GUCY1A2: variants seen among roughly 807,000 people sequenced by gnomAD.
GUCY1A2 encodes the protein guanylate cyclase soluble subunit alpha-2.
A neutral mutation model predicts 63.5 loss-of-function variants in GUCY1A2; 27 were observed. The ratio of observed to expected loss-of-function variants is 0.43; its 90% CI spans 0.31 to 0.59. GUCY1A2 has a LOEUF of 0.59. Ranked by LOEUF, GUCY1A2 falls within the 20% of genes least tolerant of loss-of-function variation. GUCY1A2 has a pLI of 0.11. For missense variants in GUCY1A2, 768 were observed against 913.3 expected (o/e 0.84, Z 2.05); for synonymous variants, 364 against 343.5 (o/e 1.06, Z -0.66).
chr11:106,901,585 C>T (rs1860133486), intron 4 of GUCY1A2, among the ~76,000 whole-genome samples: 1 of 152,030 alleles, frequency 6.6e-6, no homozygotes, highest in African/African-American at 2.4e-5. Context: ...TGTTGGTGTG[C>T]TGCACCCATT....
At chr11:106,870,373 C>A (rs935387988) in intron 4 of GUCY1A2, among the ~76,000 whole-genome samples, 2 of 151,836 alleles carry the variant, frequency 1.3e-5, no homozygotes, top group Admixed American at 1.3e-4. Context: ...TGTGGGAGTT[C>A]TTTGGTATTT....
chr11:107,015,829 T>G (rs947340065), intron 1 of GUCY1A2, among the ~76,000 whole-genome samples: 2 of 152,146 alleles, frequency 1.3e-5, no homozygotes, highest in Admixed American at 6.5e-5. Context: ...CTGGGAAATA[T>G]TGGCAGGGAA....
intron 6 of GUCY1A2, among the ~76,000 whole-genome samples, chr11:106,772,874 T>C (rs1450484502): frequency 6.6e-6 from 1 of 152,184 alleles, no homozygotes; most frequent in Non-Finnish European, 1.5e-5. Context: ...GTGCAGCAAA[T>C]GTGAGACAGT....
intron 6 of GUCY1A2, among the ~76,000 whole-genome samples, chr11:106,755,807 G>C (rs984280971): frequency 2.0e-5 from 3 of 152,110 alleles, no homozygotes; most frequent in African/African-American, 4.8e-5. Flanking sequence ...GTGGTGCTGA[G>C]AAGAATGTGT....
intron 4 of GUCY1A2, among the ~76,000 whole-genome samples, chr11:106,898,483 T>A (rs889676950): frequency 1.3e-5 from 2 of 152,122 alleles, no homozygotes; most frequent in Non-Finnish European, 2.9e-5. Context: ...ACTCTGAACA[T>A]GCAGGCAATG....
chr11:106,712,472 T>C (rs917233149), intron 6 of GUCY1A2, among the ~76,000 whole-genome samples: 3 of 152,236 alleles, frequency 2.0e-5, no homozygotes, highest in Non-Finnish European at 2.9e-5. Flanking sequence ...GCTCTGTACC[T>C]ATCCATTTGG....
intron 4 of GUCY1A2, among the ~76,000 whole-genome samples, chr11:106,903,622 C>T (rs1238283998): frequency 2.0e-5 from 3 of 152,038 alleles, no homozygotes; most frequent in East Asian, 3.9e-4. Context: ...AGATACTATC[C>T]GAACAGAGAG....
chr11:106,836,548 A>G (rs1859120371), intron 4 of GUCY1A2, among the ~76,000 whole-genome samples: 1 of 152,016 alleles, frequency 6.6e-6, no homozygotes, highest in South Asian at 2.1e-4. Flanking sequence ...GCCTCAAGGA[A>G]GCACATTCAG....
rs1013386883 is a variant in GUCY1A2, at chr11:106,693,276, G to A, written c.1992-5520C>T. Among the ~76,000 whole-genome samples the A allele has an allele frequency of 1.6e-4, 24 of 152,208 alleles. 2 individuals are homozygous for A. The highest frequency in any genetic ancestry group is 1.0e-3 in the South Asian group (5 of 4,816). On this transcript the variant is annotated intron_variant, in intron 7 of 7. Transcript: ENST00000526355. ...CTCTCAACTTGATTGGTTTAATTAGGTATTAAATTCTTCTTTAGAATTGAC... is the reference window on the plus strand; with the variant it reads ...CTCTCAACTTGATTGGTTTAATTAGATATTAAATTCTTCTTTAGAATTGAC...
At chr11:106,734,722 G>C (rs1863560054) in intron 6 of GUCY1A2, among the ~76,000 whole-genome samples, 2 of 152,040 alleles carry the variant, frequency 1.3e-5, no homozygotes, top group South Asian at 4.1e-4. Flanking sequence ...AGGTATTGTT[G>C]TCCATGTTTT....
chr11:106,865,318 T>A (rs560158890), intron 4 of GUCY1A2, among the ~76,000 whole-genome samples: 1 of 152,060 alleles, frequency 6.6e-6, no homozygotes, highest in African/African-American at 2.4e-5. Flanking sequence ...AGTCTGTTAA[T>A]CTTTTCAAAA....
intron 6 of GUCY1A2, among the ~76,000 whole-genome samples, chr11:106,721,379 TAAAA>T (rs1863314470): frequency 6.6e-6 from 1 of 152,280 alleles, no homozygotes; most frequent in East Asian, 1.9e-4. Context: ...TTCTTATTGT[TAAAA>T]ATGTTTCTTA....
chr11:106,934,731 C>A (rs1860652048), intron 4 of GUCY1A2, among the ~76,000 whole-genome samples: 1 of 152,044 alleles, frequency 6.6e-6, no homozygotes. Context: ...ACCCTGAGAA[C>A]AAAAGTGAAG....
Position 106,685,909 on chromosome 11 carries a change from CCACA to C in GUCY1A2, c.*1636_*1639del. 4.4e-6 allele frequency: 1 copy of C among 225,728 alleles called. No individual in the cohort carries two copies. The highest frequency in any genetic ancestry group is 6.4e-5 in the East Asian group (1 of 15,652). The allele number at this position is 225,728 out of a possible 1,614,324, so 14.0% of individuals were successfully genotyped here. On this transcript the variant is annotated 3_prime_UTR_variant, in exon 8 of 8. Transcript: ENST00000526355. ...TTGCATATCTACAAATGCCTTCTAG[CCACA>C]CACATAGAAAATTTAAAAACATTAA...
rs1862319963 is a variant in GUCY1A2 at position 106,674,922 on chromosome 11, A to T, written c.*12627T>A. 2 of 216,076 alleles carry T rather than the reference A, an allele frequency of 9.3e-6. No individual in the cohort carries two copies. The highest frequency in any genetic ancestry group is 3.7e-4 in the South Asian group (2 of 5,410). The allele number at this position is 216,076 out of a possible 1,614,324, so 13.4% of individuals were successfully genotyped here. A position where few individuals can be genotyped will look rare whatever the true frequency, so the allele number is the denominator to read the frequency against. ...TGATTTTGGAAACCTATTTATTATT[A>T]TATAGTGCCTGCAGACTTGATGGAA... On this transcript the variant is annotated 3_prime_UTR_variant, in exon 8 of 8. Transcript: ENST00000526355.
At chr11:106,982,722 A>C (rs765266714) in intron 2 of GUCY1A2, among the ~76,000 whole-genome samples, 9 of 152,196 alleles carry the variant, frequency 5.9e-5, no homozygotes, top group Non-Finnish European at 1.0e-4. Flanking sequence ...TAAGAATGAA[A>C]CGATACATAC....
intron 4 of GUCY1A2, among the ~76,000 whole-genome samples, chr11:106,873,301 G>A (rs886893356): frequency 2.0e-5 from 3 of 151,986 alleles, no homozygotes; most frequent in African/African-American, 7.2e-5. Flanking sequence ...GGGATTGCTG[G>A]GTCAAATGGT....
intron 1 of GUCY1A2, among the ~76,000 whole-genome samples, chr11:106,998,921 T>C (rs990362810): frequency 6.6e-6 from 1 of 152,188 alleles, no homozygotes; most frequent in Non-Finnish European, 1.5e-5. Flanking sequence ...ACCAAGAACG[T>C]TAAATAATTT....
intron 4 of GUCY1A2, chr11:106,936,805 AGAAG>A (rs1860684723): frequency 3.1e-6 from 2 of 655,598 alleles, no homozygotes; most frequent in Non-Finnish European, 5.2e-6. Flanking sequence ...CAATGTTAGA[AGAAG>A]GAATAAATAT....
Sources: allele counts gnomAD v4.1 joint callset (sites outside exome capture counted in the v4.1 genomes callset), GRCh38; gene constraint gnomAD v4.1.1; transcripts MANE v1.5; gene names NCBI Gene and HGNC (gene_info 2026-07-23, HGNC 2026-07-21).